The following ROBO2 variants were observed in gnomAD, a reference collection of about 807,000 sequenced individuals.
The protein encoded by ROBO2 is roundabout guidance receptor 2.
A neutral mutation model predicts 160.8 loss-of-function variants in ROBO2; 53 were observed. The ratio of observed to expected loss-of-function variants is 0.33; its 90% CI spans 0.26 to 0.41. ROBO2 has a LOEUF of 0.41. ROBO2 is among the 10% of genes least tolerant of loss of function. The pLI, the probability that ROBO2 is intolerant of heterozygous loss-of-function variation, is 1.00. For missense variants in ROBO2, 1,577 were observed against 1,722.4 expected (o/e 0.92, Z 1.49); for synonymous variants, 664 against 611.7 (o/e 1.09, Z -1.26).
intron 2 of ROBO2, among the ~76,000 whole-genome samples, chr3:76,649,786 A>G (rs1413381055): frequency 1.3e-5 from 2 of 152,190 alleles, no homozygotes; most frequent in Non-Finnish European, 2.9e-5. Flanking sequence ...TCAGGGTTAG[A>G]AGTCACATTT....
chr3:77,291,406 G>C (rs1386386343), intron 2 of ROBO2, among the ~76,000 whole-genome samples: 3 of 151,734 alleles, frequency 2.0e-5, no homozygotes, highest in Admixed American at 6.6e-5. Context: ...AAGTAAAATT[G>C]ATAGTTAAAC....
Position 76,902,253 on chromosome 3 carries a change from G to A in ROBO2, c.110-195761G>A, listed in dbSNP as rs187333160. Among the ~76,000 whole-genome samples, 28 of 151,794 alleles carry A rather than the reference G, an allele frequency of 1.8e-4. No individual in the cohort carries two copies. In the East Asian group the frequency reaches 4.8e-3, roughly 26 times the overall value. On this transcript the variant is annotated intron_variant, in intron 2 of 26. Coordinates refer to the ROBO2 transcript ENST00000487694. ...AATAGCTTTGTTTGCATTATTCAGC[G>A]TTTTATACTAGTGGTCTTATTTTTA...
intron 2 of ROBO2, among the ~76,000 whole-genome samples, chr3:76,741,992 T>A (rs1175992494): frequency 6.6e-6 from 1 of 152,070 alleles, no homozygotes; most frequent in Non-Finnish European, 1.5e-5. Flanking sequence ...TTTGACATCA[T>A]CCCACATAAG....
chr3:77,092,029 A>G (rs1036204947), intron 1 of ROBO2: 1 of 151,258 alleles, frequency 6.6e-6, no homozygotes, highest in Non-Finnish European at 1.5e-5. Flanking sequence ...ATAAATAAAA[A>G]GAATCTGTAT....
At chr3:76,674,257 A>G (rs2092345796) in intron 2 of ROBO2, among the ~76,000 whole-genome samples, 1 of 152,144 alleles carries the variant, frequency 6.6e-6, no homozygotes. Flanking sequence ...TAAAATCCCA[A>G]TAAACAAAAT....
intron 2 of ROBO2, among the ~76,000 whole-genome samples, chr3:76,634,837 C>T (rs575365556): frequency 8.5e-5 from 13 of 152,188 alleles, no homozygotes; most frequent in Non-Finnish European, 1.6e-4. Context: ...GCAGGAGGTG[C>T]GCAGCAGGCC....
At chr3:76,350,511 G>A (rs2074807004) in intron 2 of ROBO2, among the ~76,000 whole-genome samples, 1 of 151,944 alleles carries the variant, frequency 6.6e-6, no homozygotes, top group South Asian at 2.1e-4. Context: ...AATGTGCTGA[G>A]TTTTAACTAG....
intron 2 of ROBO2, among the ~76,000 whole-genome samples, chr3:76,851,695 A>T (rs2069380162): frequency 7.2e-6 from 1 of 138,458 alleles, no homozygotes; most frequent in Non-Finnish European, 1.5e-5. Flanking sequence ...AGATTGCGCC[A>T]CTGCAGTCCG....
intron 2 of ROBO2, among the ~76,000 whole-genome samples, chr3:76,064,222 A>G (rs139941568): frequency 2.2e-4 from 33 of 152,324 alleles, no homozygotes; most frequent in Admixed American, 5.2e-4. Flanking sequence ...TGGAAAATGA[A>G]ATAATGCTCG....
chr3:76,185,637 C>G (rs1015044763), intron 2 of ROBO2, among the ~76,000 whole-genome samples: 5 of 151,884 alleles, frequency 3.3e-5, no homozygotes, highest in Non-Finnish European at 5.9e-5. Flanking sequence ...ATGAGGATGC[C>G]ATTAATAGTT....
At chr3:76,082,696 T>C (rs964497701) in intron 2 of ROBO2, among the ~76,000 whole-genome samples, 1 of 152,156 alleles carries the variant, frequency 6.6e-6, no homozygotes, top group Non-Finnish European at 1.5e-5. Flanking sequence ...GCTACTCTCT[T>C]TCCTTATTTC....
At chr3:76,802,089 C>T (rs950343777) in intron 2 of ROBO2, among the ~76,000 whole-genome samples, 1 of 152,090 alleles carries the variant, frequency 6.6e-6, no homozygotes, top group Non-Finnish European at 1.5e-5. Context: ...CTCACCAGCT[C>T]ACCATAATAA....
chr3:76,029,898 G>A (rs529193069), intron 2 of ROBO2, among the ~76,000 whole-genome samples: 1 of 152,226 alleles, frequency 6.6e-6, no homozygotes, highest in African/African-American at 2.4e-5. Flanking sequence ...GAATTGCTGG[G>A]TCAAATGGTA....
chr3:77,189,213 G>C (rs764107478), intron 2 of ROBO2, among the ~76,000 whole-genome samples: 1 of 151,648 alleles, frequency 6.6e-6, no homozygotes. Context: ...AATGATTATT[G>C]TACTACTTTG....
chr3:76,357,335 T>C (rs1015598207), intron 2 of ROBO2, among the ~76,000 whole-genome samples: 2 of 151,804 alleles, frequency 1.3e-5, no homozygotes, highest in African/African-American at 2.4e-5. Context: ...CAAACTGCTG[T>C]CCTCATACAA....
At chr3:76,662,193 G>A (rs1172549723) in intron 2 of ROBO2, among the ~76,000 whole-genome samples, 1 of 152,104 alleles carries the variant, frequency 6.6e-6, no homozygotes, top group African/African-American at 2.4e-5. Context: ...GTTGGTTGGA[G>A]GTGGGGGCCT....
chr3:76,251,953 T>C (rs1466898289), intron 2 of ROBO2, among the ~76,000 whole-genome samples: 3 of 151,924 alleles, frequency 2.0e-5, no homozygotes, highest in African/African-American at 7.2e-5. Flanking sequence ...GACAGAAAAA[T>C]ATCAAATAAA....
At position 75,981,388 on chromosome 3, in the gene ROBO2, G is replaced by A. The variant is rs78727737; in HGVS notation, c.109+43786G>A. ...TGGTGAGGAATAAAGTATGATGTACGTATATCTTGAAAGACAGTGTTAATT... is the reference window on the plus strand; with the variant it reads ...TGGTGAGGAATAAAGTATGATGTACATATATCTTGAAAGACAGTGTTAATT... On this transcript the variant is annotated intron_variant, in intron 2 of 26. Coordinates refer to the ROBO2 transcript ENST00000487694. Among the ~76,000 whole-genome samples the A allele has an allele frequency of 6.8e-3, 1,029 of 151,392 alleles. 67 individuals are homozygous for A. The East Asian group carries it at 0.17, about 25-fold the overall frequency.
chr3:76,885,509 T>C (rs1431786097), intron 2 of ROBO2, among the ~76,000 whole-genome samples: 1 of 152,186 alleles, frequency 6.6e-6, no homozygotes, highest in African/African-American at 2.4e-5. Context: ...ATAGAGTTAA[T>C]AAGCAAGCCC....
Sources: allele counts gnomAD v4.1 joint callset (sites outside exome capture counted in the v4.1 genomes callset), GRCh38; gene constraint gnomAD v4.1.1; transcripts MANE v1.5; gene names NCBI Gene and HGNC (gene_info 2026-07-23, HGNC 2026-07-21).